The following ZNF423 variants were observed in gnomAD, a reference collection of about 807,000 sequenced individuals.
ZNF423 encodes the protein Ebf-associated zinc finger protein.
ZNF423 carries 12 observed loss-of-function variants against 95.8 expected under a neutral mutation model. That is an observed-to-expected ratio of 0.13 (90% CI 0.08 to 0.20). The LOEUF (loss-of-function observed/expected upper bound fraction) is 0.20. Ranked by LOEUF, ZNF423 falls within the 10% of genes least tolerant of loss-of-function variation. The pLI, the probability that ZNF423 is intolerant of heterozygous loss-of-function variation, is 1.00. For missense variants in ZNF423, 1,316 were observed against 1,737.1 expected (o/e 0.76, Z 4.31); for synonymous variants, 749 against 711.9 (o/e 1.05, Z -0.83).
chr16:49,620,741 T>C (rs535141019), intron 5 of ZNF423, among the ~76,000 whole-genome samples: 2 of 152,254 alleles, frequency 1.3e-5, no homozygotes, highest in South Asian at 4.1e-4. Flanking sequence ...ACCTGGGTCA[T>C]GGCAAGTTTG....
intron 3 of ZNF423, among the ~76,000 whole-genome samples, chr16:49,656,535 G>A (rs1435931624): frequency 6.6e-6 from 1 of 151,778 alleles, no homozygotes; most frequent in Non-Finnish European, 1.5e-5. Flanking sequence ...AAAAAGGCAA[G>A]TGGGTAAATG....
chr16:49,632,545 C>A (rs1191072497), intron 4 of ZNF423, among the ~76,000 whole-genome samples: 1 of 152,148 alleles, frequency 6.6e-6, no homozygotes, highest in Non-Finnish European at 1.5e-5. Flanking sequence ...CCTGCTCACA[C>A]AAGGCCCAAA....
intron 5 of ZNF423, among the ~76,000 whole-genome samples, chr16:49,620,482 C>T (rs907131034): frequency 3.9e-5 from 6 of 152,156 alleles, no homozygotes; most frequent in South Asian, 4.1e-4. Context: ...AAAGGGCCGG[C>T]GTGAGCATGA....
intron 5 of ZNF423, among the ~76,000 whole-genome samples, chr16:49,558,691 G>A (rs1176252011): frequency 1.3e-5 from 2 of 152,092 alleles, no homozygotes; most frequent in African/African-American, 2.4e-5. Context: ...CACATCCCAC[G>A]TCCACATCTT....
chr16:49,731,312 C>T, intron 2 of ZNF423: 1 of 985,334 alleles, frequency 1.0e-6, no homozygotes, highest in Non-Finnish European at 1.2e-6. Flanking sequence ...TTAAAGCCTC[C>T]ATCAGCTGTT....
At chr16:49,596,017 G>T (rs564414313) in intron 5 of ZNF423, among the ~76,000 whole-genome samples, 1 of 150,084 alleles carries the variant, frequency 6.7e-6, no homozygotes, top group South Asian at 2.1e-4. Context: ...CTTAAATGAA[G>T]AAAAAAAAAT....
At chr16:49,620,515 A>G (rs1683826046) in intron 5 of ZNF423, among the ~76,000 whole-genome samples, 1 of 152,140 alleles carries the variant, frequency 6.6e-6, no homozygotes, top group African/African-American at 2.4e-5. Flanking sequence ...CGGAATGACT[A>G]ATGCCCCACC....
In ZNF423 at chr16:49,491,028, C is replaced by T. The variant is rs1596987497; in HGVS notation, c.*247G>A. ...TCTCTAACTCTAGAAATGTAGTCTG[C>T]GGCGGAAAGTCTAAAAGCACACTAG... On this transcript the variant is annotated 3_prime_UTR_variant, in exon 8 of 8. Transcript: ENST00000563137. 5.8e-6 allele frequency: 3 copies of T among 515,406 alleles called. No individual in the cohort carries two copies. Among genetic ancestry groups the T allele is most frequent in the East Asian group, 2.9e-5 (1 of 34,806 alleles). The allele number at this position is 515,406 out of a possible 1,614,324, so 31.9% of individuals were successfully genotyped here. A position where few individuals can be genotyped will look rare whatever the true frequency, so the allele number is the denominator to read the frequency against.
At chr16:49,788,371 C>G (rs1437307714) in intron 2 of ZNF423, among the ~76,000 whole-genome samples, 1 of 152,242 alleles carries the variant, frequency 6.6e-6, no homozygotes, top group Non-Finnish European at 1.5e-5. Flanking sequence ...TCTCCGTATT[C>G]TGTACTATTA....
Position 49,731,078 on chromosome 16 carries a change from C to T in ZNF423, c.101-107G>A, listed in dbSNP as rs1018556212. ...AGATACATTTAATTACTCTACCTCC[C>T]GGGGTCCATTATCCTTGACACCTCT... On this transcript the variant is annotated intron_variant, in intron 2 of 7. Coordinates refer to ENST00000563137, the MANE Select transcript of ZNF423 (RefSeq NM_001379286.1). 14 of 1,313,026 alleles carry T rather than the reference C, an allele frequency of 1.1e-5. No individual in the cohort carries two copies. In the Admixed American group the frequency reaches 1.5e-4, roughly 14 times the overall value. 81.3% of individuals were successfully genotyped at this position (1,313,026 alleles called of 1,614,324 possible). A position where few individuals can be genotyped will look rare whatever the true frequency, so the allele number is the denominator to read the frequency against.
intron 5 of ZNF423, among the ~76,000 whole-genome samples, chr16:49,535,171 G>A (rs1393328549): frequency 2.6e-5 from 4 of 152,132 alleles, no homozygotes; most frequent in Admixed American, 1.3e-4. Context: ...CCCAAAAACC[G>A]CAGAGATCGG....
chr16:49,675,878 CAT>C (rs527430244), intron 3 of ZNF423, among the ~76,000 whole-genome samples: 143 of 152,306 alleles, frequency 9.4e-4, no homozygotes, highest in African/African-American at 3.2e-3. Context: ...TGTGCATGCA[CAT>C]GTGTGTGTTC....
intron 5 of ZNF423, among the ~76,000 whole-genome samples, chr16:49,616,583 C>T (rs1378795923): frequency 6.6e-6 from 1 of 151,994 alleles, no homozygotes; most frequent in African/African-American, 2.4e-5. Flanking sequence ...CGAAAGATCT[C>T]ATGTACTCCA....
rs150298373 is a variant in ZNF423 at position 49,840,480 on chromosome 16, G to A, written c.40+15255C>T. ...TTGCTTCTTTCTCGTTACAGGGTCA[G>A]GTTAAACACAATGCTCCGAAAATAT... On this transcript the variant is annotated intron_variant, in intron 1 of 7. Transcript: ENST00000563137. Among the ~76,000 whole-genome samples the A allele has an allele frequency of 2.5e-3, 384 of 152,270 alleles. 4 individuals carry two copies. The highest frequency in any genetic ancestry group is 8.9e-3 in the African/African-American group (370 of 41,542).
chr16:49,677,277 A>AAGGGAAGG (rs1253972000), intron 3 of ZNF423, among the ~76,000 whole-genome samples: 7 of 77,542 alleles, frequency 9.0e-5, no homozygotes, highest in Non-Finnish European at 1.3e-4. Context: ...AGAAGAGAAG[A>AAGGGAAGG]GAAGAGAAGA....
At chr16:49,516,522 C>T (rs1036217603) in intron 7 of ZNF423, among the ~76,000 whole-genome samples, 1 of 152,216 alleles carries the variant, frequency 6.6e-6, no homozygotes, top group Non-Finnish European at 1.5e-5. Flanking sequence ...CTGAGGCTTA[C>T]GGCTGGTGCA....
chr16:49,716,289 C>A (rs2032703780), intron 3 of ZNF423, among the ~76,000 whole-genome samples: 1 of 152,122 alleles, frequency 6.6e-6, no homozygotes, highest in Non-Finnish European at 1.5e-5. Flanking sequence ...TCCAGCAGAT[C>A]TGACCTCATC....
rs1177258684 is a variant in ZNF423, at chr16:49,491,314, C to T, written c.3850-10G>A. On this transcript the variant is annotated splice_polypyrimidine_tract_variant and intron_variant, in intron 7 of 7. Coordinates refer to ENST00000563137, the MANE Select transcript of ZNF423 (RefSeq NM_001379286.1). ...GGCTCATCGTGTGGTTCTGCAAAGG[C>T]GAAGAAAGGAGACACACATGAAGGA... The T allele has an allele frequency of 8.1e-6, 13 of 1,613,748 alleles. No individual in the cohort carries two copies. Among genetic ancestry groups the T allele is most frequent in the Non-Finnish European group, 1.1e-5 (13 of 1,180,020 alleles).
rs147716054 is a variant in ZNF423, at chr16:49,838,573, T to A, written c.40+17162A>T. Among the ~76,000 whole-genome samples the A allele has an allele frequency of 2.5e-3, 379 of 152,002 alleles. 4 individuals are homozygous for A. Among genetic ancestry groups the A allele is most frequent in the African/African-American group, 8.7e-3 (361 of 41,472 alleles). On this transcript the variant is annotated intron_variant, in intron 1 of 7. Coordinates refer to ENST00000563137, the MANE Select transcript of ZNF423 (RefSeq NM_001379286.1). ...GATCGGGGTTCCGGTGCCCCAGGGC[T>A]CCCGAGGCGCACATCTGGCTGGCGG...
Sources: gnomAD v4.1 joint callset for allele counts (sites outside exome capture counted in the v4.1 genomes callset) on GRCh38, gnomAD v4.1.1 for gene constraint, MANE v1.5 for transcripts, NCBI Gene and HGNC (gene_info 2026-07-23, HGNC 2026-07-21) for gene names.